The following UHRF1 variants were observed in gnomAD, a reference collection of about 807,000 sequenced individuals.
UHRF1 encodes the protein ubiquitin like with PHD and ring finger domains 1, also known as E3 ubiquitin-protein ligase UHRF1.
In UHRF1, 9 loss-of-function variants were observed where a neutral mutation model predicts 96.5. The ratio of observed to expected loss-of-function variants is 0.09; its 90% CI spans 0.06 to 0.16. The LOEUF (loss-of-function observed/expected upper bound fraction) is 0.16. Among genes scored for constraint, UHRF1 ranks in the 10% least tolerant of loss-of-function variants. The pLI, the probability that UHRF1 is intolerant of heterozygous loss-of-function variation, is 1.00. For missense variants in UHRF1, 626 were observed against 1,131.1 expected, an observed-to-expected ratio of 0.55 and a Z score of 6.40; for synonymous variants, 455 against 469.9, an observed-to-expected ratio of 0.97 and a Z score of 0.41.
At chr19:4,943,223 A>T (rs908770530) in intron 7 of UHRF1, among the ~76,000 whole-genome samples, 1 of 151,554 alleles carries the variant, frequency 6.6e-6, no homozygotes, top group African/African-American at 2.4e-5. Context: ...CTGGCGACAG[A>T]GTGAGACTAA....
At chr19:4,949,503 CACT>C (rs2033661370) in intron 11 of UHRF1, among the ~76,000 whole-genome samples, 4 of 151,788 alleles carry the variant, frequency 2.6e-5, no homozygotes, top group South Asian at 2.1e-4. Context: ...CACACACACA[CACT>C]CTCACAAAGT....
intron 2 of UHRF1, among the ~76,000 whole-genome samples, chr19:4,912,103 C>T (rs546117062): frequency 1.3e-5 from 2 of 152,268 alleles, no homozygotes; most frequent in African/African-American, 4.8e-5. Context: ...TTCATTAGCC[C>T]TCTTCCCGTA....
intron 9 of UHRF1, among the ~76,000 whole-genome samples, chr19:4,945,281 C>T (rs2602732): frequency 0.76 from 115,177 of 151,986 alleles, 44,264 homozygotes; most frequent in East Asian, 1. Context: ...TTTTTTGAGA[C>T]GGAGTCTTGC....
At chr19:4,957,881 G>A (rs2033899607) in intron 16 of UHRF1, among the ~76,000 whole-genome samples, 1 of 152,164 alleles carries the variant, frequency 6.6e-6, no homozygotes, top group Non-Finnish European at 1.5e-5. Context: ...TTTCTCTGCT[G>A]CAACCTCTGG....
At chr19:4,957,842 C>A (rs1196159568) in intron 16 of UHRF1, among the ~76,000 whole-genome samples, 2 of 152,174 alleles carry the variant, frequency 1.3e-5, no homozygotes, top group Non-Finnish European at 2.9e-5. Flanking sequence ...CAGAACTGCC[C>A]AGGTGGGCAG....
chr19:4,917,077 G>T (rs1045965182), intron 2 of UHRF1, among the ~76,000 whole-genome samples: 2 of 151,652 alleles, frequency 1.3e-5, no homozygotes, highest in Middle Eastern at 6.8e-3. Context: ...CGGTGGGGGG[G>T]GGGGGTGCAG....
In UHRF1 at chr19:4,930,733, T is replaced by C. The variant is rs1261280478; in HGVS notation, c.426T>C (p.Asp142=). The C allele has an allele frequency of 4.3e-6, 7 of 1,613,790 alleles. No homozygotes were observed. Among genetic ancestry groups the C allele is most frequent in the African/African-American group, 1.3e-5 (1 of 74,934 alleles). Residue 142 remains aspartate, a synonymous_variant, in exon 4 of 17, where the codon GAT becomes GAC. Coordinates refer to ENST00000650932, the MANE Select transcript of UHRF1 (RefSeq NM_001048201.3). The surrounding 1 kb of genome is among the most constrained non-coding windows in gnomAD (Gnocchi z 4.4). ...CCTCACAGGTCAATGAGTACGTCGA[T>C]GCTCGGGACACGAACATGGGGGCGT... ...LGLYKVNEYV[D]ARDTNMGAWF...
At chr19:4,915,300 C>T (rs2032449612) in intron 2 of UHRF1, among the ~76,000 whole-genome samples, 1 of 152,220 alleles carries the variant, frequency 6.6e-6, no homozygotes, top group African/African-American at 2.4e-5. Context: ...CAGGATGGCT[C>T]CCTGGTAGAG....
intron 1 of UHRF1, chr19:4,910,342 G>GGGGGGCCGGCAAGGAGC: frequency 6.6e-6 from 1 of 151,356 alleles, no homozygotes. Flanking sequence ...ACGCGCGCGG[G>GGGGGGCCGGCAAGGAGC]GGGGGCCGGC....
rs369031461 is a variant in UHRF1 at position 4,941,656 on chromosome 19, C to G, written c.886+28C>G. The G allele has an allele frequency of 3.0e-5, 48 of 1,604,076 alleles. No individual in the cohort carries two copies. The East Asian group carries it at 4.7e-4, about 16-fold the overall frequency. On this transcript the variant is annotated intron_variant, in intron 6 of 16. Transcript: ENST00000650932. ...GAGTTCTGAGCCAGCCTTTCCCCAT[C>G]TTCCGCGGTGGGCACGGGGCGGGGG... is the stretch of plus-strand genomic sequence containing the variant.
At chr19:4,942,402 G>A (rs568000573) in intron 7 of UHRF1, among the ~76,000 whole-genome samples, 9 of 151,960 alleles carry the variant, frequency 5.9e-5, no homozygotes, top group African/African-American at 2.2e-4. Context: ...TTGTTAGCCA[G>A]GATGTTCTTG....
At chr19:4,945,340 C>T (rs1482399488) in intron 9 of UHRF1, among the ~76,000 whole-genome samples, 1 of 152,148 alleles carries the variant, frequency 6.6e-6, no homozygotes, top group Non-Finnish European at 1.5e-5. Flanking sequence ...CTCACTGCAA[C>T]CTCCCTCTCC....
At chr19:4,942,817 C>T (rs1243293353) in intron 7 of UHRF1, among the ~76,000 whole-genome samples, 1 of 152,124 alleles carries the variant, frequency 6.6e-6, no homozygotes, top group South Asian at 2.1e-4. Context: ...CCTGTGGTCC[C>T]AGCCACTTGG....
intron 2 of UHRF1, among the ~76,000 whole-genome samples, chr19:4,916,953 A>C (rs1397178478): frequency 6.6e-6 from 1 of 151,694 alleles, no homozygotes; most frequent in Non-Finnish European, 1.5e-5. Flanking sequence ...AAGTTGGAGA[A>C]CCACTGCTCC....
intron 9 of UHRF1, among the ~76,000 whole-genome samples, chr19:4,945,659 T>A (rs75454447): frequency 8.8e-6 from 1 of 113,700 alleles, no homozygotes; most frequent in African/African-American, 4.7e-5. Flanking sequence ...CCAGCTGGTT[T>A]TTTTTTTTTT....
At chr19:4,932,716 T>C (rs2033091940) in intron 4 of UHRF1, 25 bp from the exon 5 acceptor site, 1 of 1,610,558 alleles carries the variant, frequency 6.2e-7, no homozygotes, top group Admixed American at 1.7e-5. Flanking sequence ...TAGCACGGGG[T>C]CTAAGGCCCG....
chr19:4,947,223 C>G lies in UHRF1; in HGVS notation c.1517+12C>G. On this transcript the variant is annotated intron_variant, in intron 11 of 16. Transcript: ENST00000650932. ...ACCAACACCAACAGGTTTGTGGAATCAGCCTTCTTATTTCCTTGCTGATGC... is the reference window on the plus strand; with the variant it reads ...ACCAACACCAACAGGTTTGTGGAATGAGCCTTCTTATTTCCTTGCTGATGC... 6.2e-7 allele frequency: 1 copy of G among 1,611,792 alleles called. No individual in the cohort carries two copies. The highest frequency in any genetic ancestry group is 8.5e-7 in the Non-Finnish European group (1 of 1,178,014).
At chr19:4,936,938 A>C (rs262566) in intron 5 of UHRF1, among the ~76,000 whole-genome samples, 1 of 151,930 alleles carries the variant, frequency 6.6e-6, no homozygotes, top group Non-Finnish European at 1.5e-5. Flanking sequence ...ATACAGTCAA[A>C]AGTGAGTTTC....
chr19:4,941,418 T>C (rs1568423698), intron 5 of UHRF1, 110 bp from the exon 6 acceptor site: 1 of 774,870 alleles, frequency 1.3e-6, no homozygotes, highest in East Asian at 2.7e-5. Context: ...CTAGGGGGCG[T>C]AGCTGAGCTG....
Sources: allele counts gnomAD v4.1 joint callset (sites outside exome capture counted in the v4.1 genomes callset), GRCh38; gene constraint gnomAD v4.1.1; non-coding constraint Gnocchi (gnomAD v3.1); transcripts MANE v1.5; gene names NCBI Gene and HGNC (gene_info 2026-07-23, HGNC 2026-07-21).